The following RBFOX1 variants were observed in gnomAD, a reference collection of about 807,000 sequenced individuals.
RBFOX1 encodes RNA binding protein fox-1 homolog 1.
A neutral mutation model predicts 57.7 loss-of-function variants in RBFOX1; 8 were observed. That is an observed-to-expected ratio of 0.14 (90% CI 0.08 to 0.25). The LOEUF (loss-of-function observed/expected upper bound fraction) is 0.25, where lower values mean the gene tolerates loss of function less well. RBFOX1 is among the 10% of genes least tolerant of loss of function. The pLI, the probability that RBFOX1 is intolerant of heterozygous loss-of-function variation, is 1.00. For synonymous variants in RBFOX1, 326 were observed against 222.4 expected, an observed-to-expected ratio of 1.47 and a Z score of -4.15; for missense variants, 611 against 548.5, an observed-to-expected ratio of 1.11 and a Z score of -1.14.
intron 1 of RBFOX1, among the ~76,000 whole-genome samples, chr16:6,151,601 A>G (rs1380604442): frequency 6.6e-6 from 1 of 152,086 alleles, no homozygotes; most frequent in Non-Finnish European, 1.5e-5. Flanking sequence ...TCAGTCTTTT[A>G]TGTCATTCTC....
chr16:5,390,800 C>T (rs1416113693), intron 1 of RBFOX1, among the ~76,000 whole-genome samples: 1 of 152,122 alleles, frequency 6.6e-6, no homozygotes, highest in African/African-American at 2.4e-5. Context: ...GCTGACTCGT[C>T]TCCTCACTGG....
intron 3 of RBFOX1, among the ~76,000 whole-genome samples, chr16:6,693,006 C>T (rs966585958): frequency 2.6e-5 from 4 of 152,038 alleles, no homozygotes; most frequent in African/African-American, 9.7e-5. Context: ...CCACTACCAT[C>T]ACAACCATCA....
At chr16:5,909,690 C>A (rs531785931) in intron 4 of RBFOX1, among the ~76,000 whole-genome samples, 3 of 152,196 alleles carry the variant, frequency 2.0e-5, no homozygotes, top group Non-Finnish European at 4.4e-5. Flanking sequence ...AGGGCAGATG[C>A]TTTGAGTGGC....
intron 4 of RBFOX1, among the ~76,000 whole-genome samples, chr16:7,468,106 G>C (rs1307283421): frequency 6.6e-6 from 1 of 152,198 alleles, no homozygotes; most frequent in East Asian, 1.9e-4. Flanking sequence ...GAACTTGGTT[G>C]AGCTGGCAAG....
At chr16:7,359,028 C>G (rs188070988) in intron 4 of RBFOX1, among the ~76,000 whole-genome samples, 1 of 152,152 alleles carries the variant, frequency 6.6e-6, no homozygotes, top group African/African-American at 2.4e-5. Context: ...TCTTTGCTGC[C>G]TCCACCTTCC....
At chr16:6,758,319 A>G (rs531626902) in intron 3 of RBFOX1, among the ~76,000 whole-genome samples, 1 of 152,064 alleles carries the variant, frequency 6.6e-6, no homozygotes. Flanking sequence ...ATTTTCCCCC[A>G]AGCATATGTA....
intron 3 of RBFOX1, among the ~76,000 whole-genome samples, chr16:6,674,533 G>A (rs1568158779): frequency 1.3e-5 from 2 of 152,128 alleles, no homozygotes; most frequent in African/African-American, 2.4e-5. Flanking sequence ...TGTTGATCAG[G>A]ATGGTGTCGA....
At chr16:7,344,857 T>C (rs2096964732) in intron 4 of RBFOX1, among the ~76,000 whole-genome samples, 1 of 152,186 alleles carries the variant, frequency 6.6e-6, no homozygotes, top group Non-Finnish European at 1.5e-5. Context: ...CATGGGGAAA[T>C]GGCCATGTCT....
chr16:5,812,602 A>T (rs2055474439), intron 3 of RBFOX1, among the ~76,000 whole-genome samples: 1 of 151,734 alleles, frequency 6.6e-6, no homozygotes, highest in Non-Finnish European at 1.5e-5. Context: ...TAAGACTACA[A>T]GTGTGTGCCA....
chr16:6,690,694 A>C (rs2060079242), intron 3 of RBFOX1, among the ~76,000 whole-genome samples: 1 of 151,892 alleles, frequency 6.6e-6, no homozygotes, highest in African/African-American at 2.4e-5. Context: ...AAGTGGGTTG[A>C]ATCAAAAACA....
intron 4 of RBFOX1, among the ~76,000 whole-genome samples, chr16:7,154,240 C>G (rs1209273610): frequency 1.3e-5 from 2 of 152,162 alleles, no homozygotes; most frequent in Admixed American, 6.5e-5. Flanking sequence ...GATCTTCATT[C>G]AGTCGGAGGA....
chr16:5,318,869 A>C (rs2064317478), intron 1 of RBFOX1, among the ~76,000 whole-genome samples: 1 of 152,150 alleles, frequency 6.6e-6, no homozygotes, highest in Non-Finnish European at 1.5e-5. Flanking sequence ...ATGGTGGCTC[A>C]TGCCTGTAAT....
chr16:5,459,059 G>A (rs2068714090), intron 1 of RBFOX1, among the ~76,000 whole-genome samples: 1 of 152,132 alleles, frequency 6.6e-6, no homozygotes, highest in Non-Finnish European at 1.5e-5. Context: ...GCTCCCTTAA[G>A]GGAGATCTCT....
chr16:7,508,039 T>C (rs2073942630), intron 4 of RBFOX1, among the ~76,000 whole-genome samples: 1 of 151,920 alleles, frequency 6.6e-6, no homozygotes, highest in Non-Finnish European at 1.5e-5. Flanking sequence ...CAGGCTGGAG[T>C]GCAGTGATGC....
At chr16:7,601,597 C>G (rs1026223187) in intron 9 of RBFOX1, among the ~76,000 whole-genome samples, 2 of 152,062 alleles carry the variant, frequency 1.3e-5, no homozygotes, top group Non-Finnish European at 2.9e-5. Context: ...TGAAGTAAAG[C>G]AAAATATTTA....
chr16:5,892,634 T>C (rs942995399), intron 4 of RBFOX1, among the ~76,000 whole-genome samples: 28 of 152,174 alleles, frequency 1.8e-4, no homozygotes, highest in African/African-American at 6.8e-4. Context: ...TCGCGGAATC[T>C]TGTAGAAGCT....
chr16:5,713,661 G>GGTTATGATTTT (rs898328358), intron 3 of RBFOX1, among the ~76,000 whole-genome samples: 1 of 152,190 alleles, frequency 6.6e-6, no homozygotes, highest in Admixed American at 6.5e-5. Context: ...CCACACAGCA[G>GGTTATGATTTT]GTTATGATTT....
chr16:7,148,098 A>G (rs556670004), intron 4 of RBFOX1, among the ~76,000 whole-genome samples: 9 of 152,172 alleles, frequency 5.9e-5, no homozygotes, highest in African/African-American at 9.7e-5. Flanking sequence ...GTCACAGCCA[A>G]TCTCTAGGAA....
chr16:6,757,151 GCTAGCAA>G (rs2075931443), intron 3 of RBFOX1, among the ~76,000 whole-genome samples: 1 of 152,232 alleles, frequency 6.6e-6, no homozygotes, highest in South Asian at 2.1e-4. Context: ...AAAAATAAAT[GCTAGCAA>G]GGATGTGGAG....
Sources: gnomAD v4.1 joint callset for allele counts (sites outside exome capture counted in the v4.1 genomes callset) on GRCh38, gnomAD v4.1.1 for gene constraint, MANE v1.5 for transcripts, NCBI Gene and HGNC (gene_info 2026-07-23, HGNC 2026-07-21) for gene names.